The following KCNQ3 variants were observed in gnomAD, a reference collection of about 807,000 sequenced individuals.
KCNQ3 encodes the protein potassium voltage-gated channel subfamily Q member 3.
KCNQ3 carries 30 observed loss-of-function variants against 92.5 expected under a neutral mutation model. The ratio of observed to expected loss-of-function variants is 0.32; its 90% confidence interval spans 0.24 to 0.44. The LOEUF is 0.44. Ranked by LOEUF, KCNQ3 falls within the 20% of genes least tolerant of loss-of-function variation. KCNQ3 has a pLI of 1.00. For synonymous variants in KCNQ3, 450 were observed against 468.8 expected (o/e 0.96, Z 0.52); for missense variants, 913 against 1,140.3 (o/e 0.80, Z 2.87).
intron 9 of KCNQ3, among the ~76,000 whole-genome samples, chr8:132,154,223 T>TTTTTTTTTTTTTTTA (rs1825737377): frequency 1.5e-5 from 2 of 131,882 alleles, no homozygotes. Flanking sequence ...TTTTTTTTTT[T>TTTTTTTTTTTTTTTA]AGCCAATCAG....
chr8:132,205,934 C>T (rs1813643430), intron 1 of KCNQ3, among the ~76,000 whole-genome samples: 1 of 152,156 alleles, frequency 6.6e-6, no homozygotes, highest in Non-Finnish European at 1.5e-5. Context: ...CCCTCAGCTG[C>T]TCTTCCCTGG....
chr8:132,219,327 C>T lies in KCNQ3; in HGVS notation c.387-33146G>A, dbSNP rs1814141640. ...AAGTCCCTGCACACGCTGCCTTATT[C>T]ATGCCCAGTGAGCTATAAGCAACTC... On this transcript the variant is annotated intron_variant, in intron 1 of 14. Transcript: ENST00000388996. Among the ~76,000 whole-genome samples, 11 of 152,258 alleles carry T rather than the reference C, an allele frequency of 7.2e-5. No homozygotes were observed. The South Asian group carries it at 2.3e-3, about 32-fold the overall frequency.
At chr8:132,130,589 G>T (rs1042012011) in intron 14 of KCNQ3, among the ~76,000 whole-genome samples, 12 of 152,196 alleles carry the variant, frequency 7.9e-5, no homozygotes, top group Non-Finnish European at 4.4e-5. Flanking sequence ...TTACAGGCCT[G>T]CTGTGTCCCC....
chr8:132,381,365 T>C (rs1323664729), intron 1 of KCNQ3, among the ~76,000 whole-genome samples: 1 of 152,194 alleles, frequency 6.6e-6, no homozygotes, highest in South Asian at 2.1e-4. Flanking sequence ...GACACTTCCA[T>C]ACACTCACCA....
At chr8:132,472,484 T>C (rs1822318945) in intron 1 of KCNQ3, among the ~76,000 whole-genome samples, 1 of 152,224 alleles carries the variant, frequency 6.6e-6, no homozygotes, top group Non-Finnish European at 1.5e-5. Flanking sequence ...GAAGTCATTA[T>C]GTTAAATGAA....
At chr8:132,248,206 C>T (rs1815251009) in intron 1 of KCNQ3, among the ~76,000 whole-genome samples, 1 of 152,080 alleles carries the variant, frequency 6.6e-6, no homozygotes, top group African/African-American at 2.4e-5. Flanking sequence ...ATTACAGCTA[C>T]TATTCTGGGA....
intron 1 of KCNQ3, among the ~76,000 whole-genome samples, chr8:132,405,755 G>T (rs961698089): frequency 6.6e-6 from 1 of 152,164 alleles, no homozygotes; most frequent in Non-Finnish European, 1.5e-5. Flanking sequence ...ATTTCTTCAT[G>T]CAGTAAACAC....
chr8:132,425,555 G>T (rs1472687291), intron 1 of KCNQ3, among the ~76,000 whole-genome samples: 8 of 152,246 alleles, frequency 5.3e-5, no homozygotes, highest in Admixed American at 2.0e-4. Context: ...TCACCATCTG[G>T]TTTTTTTAAA....
At chr8:132,315,958 T>C (rs957310625) in intron 1 of KCNQ3, among the ~76,000 whole-genome samples, 5 of 152,244 alleles carry the variant, frequency 3.3e-5, no homozygotes, top group Non-Finnish European at 7.3e-5. Flanking sequence ...TAAAATAGCC[T>C]GAATATAGCG....
chr8:132,365,271 T>C (rs1360538494), intron 1 of KCNQ3, among the ~76,000 whole-genome samples: 2 of 152,384 alleles, frequency 1.3e-5, no homozygotes, highest in East Asian at 1.9e-4. Context: ...CTAACATTTA[T>C]TGGGTGCCAA....
chr8:132,301,962 A>G (rs1817228492), intron 1 of KCNQ3, among the ~76,000 whole-genome samples: 1 of 152,206 alleles, frequency 6.6e-6, no homozygotes, highest in Non-Finnish European at 1.5e-5. Flanking sequence ...AAGTGGAAAC[A>G]ACCAAAGGAG....
At chr8:132,203,249 T>G (rs926340754) in intron 1 of KCNQ3, among the ~76,000 whole-genome samples, 1 of 152,166 alleles carries the variant, frequency 6.6e-6, no homozygotes, top group Non-Finnish European at 1.5e-5. Flanking sequence ...TTCCATCACA[T>G]GCACTTTAGG....
intron 1 of KCNQ3, among the ~76,000 whole-genome samples, chr8:132,295,176 T>C (rs1003579172): frequency 6.6e-6 from 1 of 152,110 alleles, no homozygotes; most frequent in Non-Finnish European, 1.5e-5. Context: ...ACAAGGAACT[T>C]AAACAAATTT....
intron 12 of KCNQ3, 120 bp from the exon 13 acceptor site, chr8:132,134,508 A>T: frequency 1.4e-6 from 1 of 714,598 alleles, no homozygotes. Context: ...AGGAGAGGAG[A>T]GGAGAGGAGA....
chr8:132,292,830 A>G (rs1168764846), intron 1 of KCNQ3, among the ~76,000 whole-genome samples: 1 of 152,118 alleles, frequency 6.6e-6, no homozygotes, highest in Non-Finnish European at 1.5e-5. Context: ...GCCAGACTCT[A>G]ATCTGATTGT....
At chr8:132,423,065 C>T (rs1355057802) in intron 1 of KCNQ3, among the ~76,000 whole-genome samples, 1 of 152,150 alleles carries the variant, frequency 6.6e-6, no homozygotes, top group Non-Finnish European at 1.5e-5. Flanking sequence ...ATCCCCTCTC[C>T]AGGGAGAAGC....
At chr8:132,185,469 GC>G (rs982688144) in intron 2 of KCNQ3, among the ~76,000 whole-genome samples, 1 of 152,254 alleles carries the variant, frequency 6.6e-6, no homozygotes. Context: ...CTGAGACTGG[GC>G]CCAGCCCATG....
At chr8:132,275,771 G>A (rs942953510) in intron 1 of KCNQ3, among the ~76,000 whole-genome samples, 2 of 152,036 alleles carry the variant, frequency 1.3e-5, no homozygotes, top group South Asian at 2.1e-4. Flanking sequence ...TAGAAACGGG[G>A]TTTCACTGTG....
intron 1 of KCNQ3, among the ~76,000 whole-genome samples, chr8:132,441,277 G>A (rs1326207085): frequency 6.6e-6 from 1 of 152,256 alleles, no homozygotes; most frequent in Admixed American, 6.5e-5. Flanking sequence ...TAGGCCAGGT[G>A]CAGTGGCTCA....
Sources: gnomAD v4.1 joint callset for allele counts (sites outside exome capture counted in the v4.1 genomes callset) on GRCh38, gnomAD v4.1.1 for gene constraint, MANE v1.5 for transcripts, NCBI Gene and HGNC (gene_info 2026-07-23, HGNC 2026-07-21) for gene names.